FAM135B: variants seen among roughly 807,000 people sequenced by gnomAD.
The protein encoded by FAM135B is family with sequence similarity 135 member B.
FAM135B carries 43 observed loss-of-function variants against 127.7 expected under a neutral mutation model. The observed-to-expected ratio is 0.34, with a 90% CI of 0.26 to 0.43. The LOEUF is 0.43. FAM135B is among the 20% of genes least tolerant of loss of function. The pLI is 1.00. For synonymous variants in FAM135B, 670 were observed against 665.1 expected (o/e 1.01, Z -0.11); for missense variants, 1,558 against 1,725.6 (o/e 0.90, Z 1.72).
At chr8:138,136,601 C>A (rs1348182218) in intron 19 of FAM135B, among the ~76,000 whole-genome samples, 2 of 151,860 alleles carry the variant, frequency 1.3e-5, no homozygotes, top group East Asian at 1.9e-4. Flanking sequence ...TAAAAAAAAA[C>A]AATTAAACAA....
chr8:138,294,796 G>A (rs552693651), intron 3 of FAM135B, among the ~76,000 whole-genome samples: 1 of 152,172 alleles, frequency 6.6e-6, no homozygotes, highest in Non-Finnish European at 1.5e-5. Flanking sequence ...AGGTGAAAGT[G>A]TCTTTAGATT....
chr8:138,480,435 T>C (rs1814727086), intron 1 of FAM135B, among the ~76,000 whole-genome samples: 1 of 152,182 alleles, frequency 6.6e-6, no homozygotes, highest in South Asian at 2.1e-4. Flanking sequence ...CAGAATTATA[T>C]AAACATTTAT....
chr8:138,232,044 A>C (rs1819942431), intron 7 of FAM135B, among the ~76,000 whole-genome samples: 2 of 152,262 alleles, frequency 1.3e-5, no homozygotes, highest in South Asian at 2.1e-4. Flanking sequence ...GAAGAAACAA[A>C]GGATCTGAAT....
In FAM135B at chr8:138,141,174, T is replaced by C. The variant is rs758056344; in HGVS notation, c.3790+24A>G. ...GAGGCCCCAGATTAATTCTGAGGAATGACGAGTCCTAGAAGAATCTTACCT... is the reference window on the plus strand; with the variant it reads ...GAGGCCCCAGATTAATTCTGAGGAACGACGAGTCCTAGAAGAATCTTACCT... On this transcript the variant is annotated intron_variant, in intron 17 of 19. Transcript: ENST00000395297. The surrounding 1 kb of genome is among the most constrained non-coding windows in gnomAD (Gnocchi z 4.7). The C allele has an allele frequency of 1.2e-6, 2 of 1,612,382 alleles. No homozygotes were observed. The highest frequency in any genetic ancestry group is 2.2e-5 in the South Asian group (2 of 90,834).
At chr8:138,423,429 A>C (rs1834642461) in intron 1 of FAM135B, among the ~76,000 whole-genome samples, 1 of 152,164 alleles carries the variant, frequency 6.6e-6, no homozygotes, top group African/African-American at 2.4e-5. Flanking sequence ...CAGAGTACAA[A>C]AGAGAGAAAT....
At chr8:138,486,210 G>C (rs1814978781) in intron 1 of FAM135B, among the ~76,000 whole-genome samples, 1 of 151,824 alleles carries the variant, frequency 6.6e-6, no homozygotes, top group African/African-American at 2.4e-5. Flanking sequence ...AATCCACGTA[G>C]GGTTCCTCAG....
chr8:138,449,102 A>G (rs1168217931), intron 1 of FAM135B, among the ~76,000 whole-genome samples: 1 of 152,206 alleles, frequency 6.6e-6, no homozygotes, highest in Non-Finnish European at 1.5e-5. Context: ...GTTTACTCAC[A>G]ATGTAAAATT....
chr8:138,148,180 A>G (rs1405930144), intron 14 of FAM135B, among the ~76,000 whole-genome samples: 2 of 152,222 alleles, frequency 1.3e-5, no homozygotes, highest in African/African-American at 4.8e-5. Context: ...ATAATACATT[A>G]ATTTCATTAA....
chr8:138,331,959 T>C lies in FAM135B; in HGVS notation c.78-21039A>G, dbSNP rs560995461. Among the ~76,000 whole-genome samples, 4 of 152,268 alleles carry C rather than the reference T, an allele frequency of 2.6e-5. No homozygotes were observed. In the East Asian group the frequency reaches 7.7e-4, roughly 29 times the overall value. ...CCTAACACCAATCCACATGTGACCTTAGGCAAGTCAGTTAATGTCTCCAGG... is the reference window on the plus strand; with the variant it reads ...CCTAACACCAATCCACATGTGACCTCAGGCAAGTCAGTTAATGTCTCCAGG... On this transcript the variant is annotated intron_variant, in intron 2 of 19. Transcript: ENST00000395297.
chr8:138,356,494 A>C (rs1323444424), intron 2 of FAM135B, among the ~76,000 whole-genome samples: 1 of 152,184 alleles, frequency 6.6e-6, no homozygotes, highest in Non-Finnish European at 1.5e-5. Context: ...TATTTGTAAT[A>C]ACACAGAATT....
At chr8:138,221,021 C>T (rs1384596355) in intron 7 of FAM135B, among the ~76,000 whole-genome samples, 1 of 152,204 alleles carries the variant, frequency 6.6e-6, no homozygotes, top group Non-Finnish European at 1.5e-5. Context: ...TTCTAATATA[C>T]TTCCTGAAGG....
chr8:138,335,856 G>A (rs946333487), intron 2 of FAM135B, among the ~76,000 whole-genome samples: 1 of 152,200 alleles, frequency 6.6e-6, no homozygotes, highest in Admixed American at 6.5e-5. Flanking sequence ...ATAGTTGGAA[G>A]TAAAGCACTC....
intron 12 of FAM135B, among the ~76,000 whole-genome samples, chr8:138,163,540 G>A (rs1021839579): frequency 2.6e-5 from 4 of 152,066 alleles, no homozygotes; most frequent in African/African-American, 7.2e-5. Context: ...CTGTTCTCGT[G>A]CTCGTGAATA....
Position 138,153,219 on chromosome 8 carries a change from AC to A in FAM135B, c.1259-4del, listed in dbSNP as rs1280049220. ...AGGATAAACACTCAAGTTATGCCCT[AC>A]AAAAAAAAAAGAAAGAAAATTATAT... On this transcript the variant is annotated splice_region_variant and splice_polypyrimidine_tract_variant and intron_variant, in intron 12 of 19. Coordinates refer to ENST00000395297, the MANE Select transcript of FAM135B (RefSeq NM_015912.4). The A allele has an allele frequency of 9.7e-6, 14 of 1,449,228 alleles. No individual in the cohort carries two copies. The highest frequency in any genetic ancestry group is 5.4e-5 in the Admixed American group (2 of 36,756). The allele number at this position is 1,449,228 out of a possible 1,614,324, so 89.8% of individuals were successfully genotyped here.
intron 1 of FAM135B, chr8:138,459,145 G>T (rs1181466210): frequency 2.6e-5 from 4 of 152,196 alleles, no homozygotes; most frequent in Non-Finnish European, 5.9e-5. Flanking sequence ...GGGATTTGCA[G>T]GAATCGTAGC....
intron 1 of FAM135B, among the ~76,000 whole-genome samples, chr8:138,494,890 A>C (rs1328335580): frequency 1.3e-5 from 2 of 151,658 alleles, no homozygotes; most frequent in Non-Finnish European, 2.9e-5. Context: ...CACTGTTTCA[A>C]ACTAGACGAG....
chr8:138,222,683 T>TG (rs1255392012), intron 7 of FAM135B, among the ~76,000 whole-genome samples: 2 of 142,394 alleles, frequency 1.4e-5, no homozygotes, highest in Non-Finnish European at 3.0e-5. Context: ...GTGGTGTTTT[T>TG]TTTTTTTTTT....
chr8:138,328,433 C>T (rs1006645184), intron 2 of FAM135B, among the ~76,000 whole-genome samples: 1 of 152,136 alleles, frequency 6.6e-6, no homozygotes, highest in African/African-American at 2.4e-5. Flanking sequence ...ATAAATAACT[C>T]CCACATGCTT....
At chr8:138,414,066 G>A (rs1834007304) in intron 1 of FAM135B, among the ~76,000 whole-genome samples, 1 of 149,680 alleles carries the variant, frequency 6.7e-6, no homozygotes, top group Admixed American at 6.7e-5. Context: ...AAGAATGTGT[G>A]TGATAATTTA....
Sources: allele counts gnomAD v4.1 joint callset (sites outside exome capture counted in the v4.1 genomes callset), GRCh38; gene constraint gnomAD v4.1.1; non-coding constraint Gnocchi (gnomAD v3.1); transcripts MANE v1.5; gene names NCBI Gene and HGNC (gene_info 2026-07-23, HGNC 2026-07-21).